Variants in DGKG observed in about 807,000 individuals in gnomAD.
The protein encoded by DGKG is diacylglycerol kinase gamma.
In DGKG, 78 loss-of-function variants were observed where a neutral mutation model predicts 105.3. The observed-to-expected ratio is 0.74, with a 90% CI of 0.62 to 0.89. The LOEUF is 0.89. Ranked by LOEUF, DGKG falls within the 40% of genes least tolerant of loss-of-function variation. DGKG has a pLI of 0.00. For missense variants in DGKG, 958 were observed against 1,020.1 expected, an observed-to-expected ratio of 0.94 and a Z score of 0.83; for synonymous variants, 346 against 367.1, an observed-to-expected ratio of 0.94 and a Z score of 0.66.
chr3:186,322,777 C>A (rs1265758449), intron 1 of DGKG, among the ~76,000 whole-genome samples: 1 of 152,160 alleles, frequency 6.6e-6, no homozygotes, highest in Non-Finnish European at 1.5e-5. Flanking sequence ...GTATATCCAA[C>A]CATCTACTGT....
chr3:186,301,136 G>T (rs1241997325), intron 3 of DGKG, among the ~76,000 whole-genome samples: 1 of 152,086 alleles, frequency 6.6e-6, no homozygotes, highest in Non-Finnish European at 1.5e-5. Flanking sequence ...CCTTTTCTAT[G>T]TCCATTGTCC....
chr3:186,279,258 T>C (rs978036950), intron 9 of DGKG: 4 of 152,280 alleles, frequency 2.6e-5, no homozygotes, highest in African/African-American at 9.6e-5. Context: ...CTAACTCTCA[T>C]GTGTGGGATA....
rs201233068 is a variant in DGKG, at chr3:186,206,752, G to GTT, written c.1917+5041_1917+5042dup. On this transcript the variant is annotated intron_variant, in intron 21 of 24. Transcript: ENST00000265022. ...GTGGGGACATGCTGGCTTCTTTTTT[G>GTT]TTTTTTTGTTTTTTTTGAGAGAGTT... 5.5e-3 allele frequency among the ~76,000 whole-genome samples: 832 copies of GTT among 150,772 alleles called. 9 individuals carry two copies. Among genetic ancestry groups the GTT allele is most frequent in the African/African-American group, 0.02 (795 of 40,426 alleles).
intron 10 of DGKG, among the ~76,000 whole-genome samples, chr3:186,273,898 G>A (rs952904070): frequency 4.6e-5 from 7 of 152,156 alleles, no homozygotes; most frequent in Non-Finnish European, 5.9e-5. Flanking sequence ...CGGGGCGGGC[G>A]GCAGGGCTCT....
intron 21 of DGKG, among the ~76,000 whole-genome samples, chr3:186,200,979 G>A (rs1208592019): frequency 6.6e-6 from 1 of 152,152 alleles, no homozygotes; most frequent in African/African-American, 2.4e-5. Flanking sequence ...TATTGCAGCT[G>A]GGGGTGGGGG....
At chr3:186,340,088 C>T (rs189374908) in intron 1 of DGKG, among the ~76,000 whole-genome samples, 11 of 152,252 alleles carry the variant, frequency 7.2e-5, no homozygotes, top group South Asian at 2.1e-4. Context: ...GATTCCCTGA[C>T]CCCTTGAGTG....
intron 1 of DGKG, among the ~76,000 whole-genome samples, chr3:186,342,840 C>A (rs1259386505): frequency 6.6e-6 from 1 of 151,786 alleles, no homozygotes; most frequent in Non-Finnish European, 1.5e-5. Flanking sequence ...GGGAAGCGTT[C>A]AAAAATCATT....
chr3:186,225,018 T>G (rs961387914), intron 20 of DGKG, among the ~76,000 whole-genome samples: 2 of 152,128 alleles, frequency 1.3e-5, no homozygotes, highest in Non-Finnish European at 2.9e-5. Flanking sequence ...CAGAGTGACT[T>G]CTCTTTATGT....
chr3:186,158,778 T>C (rs1211345333), intron 24 of DGKG: 2 of 932,506 alleles, frequency 2.1e-6, no homozygotes, highest in Non-Finnish European at 2.6e-6. Context: ...TTGATAGTTT[T>C]TTATATATTT....
chr3:186,272,516 T>C (rs1722365607), intron 10 of DGKG, among the ~76,000 whole-genome samples, 173 bp from the exon 11 acceptor site: 1 of 152,190 alleles, frequency 6.6e-6, no homozygotes, highest in Non-Finnish European at 1.5e-5. Context: ...CTAATTGTTC[T>C]TGGAGGACAG....
intron 4 of DGKG, 113 bp from the exon 5 acceptor site, chr3:186,297,596 G>A (rs1480717170): frequency 2.0e-5 from 15 of 752,428 alleles, no homozygotes; most frequent in East Asian, 9.9e-5. Context: ...TCTGTGTCTC[G>A]GGGTTATGTG....
intron 1 of DGKG, among the ~76,000 whole-genome samples, chr3:186,357,316 G>A (rs1445905596): frequency 6.6e-6 from 1 of 152,064 alleles, no homozygotes; most frequent in Admixed American, 6.6e-5. Flanking sequence ...GCTTTCAAAA[G>A]TCCCCTTTCT....
In DGKG at chr3:186,206,245, G is replaced by A. The variant is rs189133603; in HGVS notation, c.1917+5550C>T. On this transcript the variant is annotated intron_variant, in intron 21 of 24. Coordinates refer to ENST00000265022, the MANE Select transcript of DGKG (RefSeq NM_001346.3). ...CTAAAAATGCAAAAATTAGCTGGGC[G>A]TGGTGGTGCACGCCTGTAGTCTCAG... Among the ~76,000 whole-genome samples, 194 of 152,198 alleles carry A rather than the reference G, an allele frequency of 1.3e-3. 2 individuals are homozygous for A. The highest frequency in any genetic ancestry group is 3.9e-3 in the African/African-American group (162 of 41,538).
At chr3:186,360,963 GAGAGCGCGCCC>G (rs1727198748) in intron 1 of DGKG, among the ~76,000 whole-genome samples, 1 of 152,214 alleles carries the variant, frequency 6.6e-6, no homozygotes, top group Non-Finnish European at 1.5e-5. Flanking sequence ...CGCAGCGCGG[GAGAGCGCGCCC>G]ACGGGTTCAC....
rs151294553 is a variant in DGKG, at chr3:186,162,981, G to C, written c.2217-1318C>G. ...AGGTGAAAGTGTTGCCTTCTTGCTTGAGGCAAGGCTTTTCTGACCTTGGCA... is the reference window on the plus strand; with the variant it reads ...AGGTGAAAGTGTTGCCTTCTTGCTTCAGGCAAGGCTTTTCTGACCTTGGCA... On this transcript the variant is annotated intron_variant, in intron 23 of 24. Transcript: ENST00000265022. Among the ~76,000 whole-genome samples, 65 of 152,236 alleles carry C rather than the reference G, an allele frequency of 4.3e-4. 1 individual carries two copies. The East Asian group carries it at 0.012, about 29-fold the overall frequency.
At chr3:186,336,560 A>T (rs567342533) in intron 1 of DGKG, among the ~76,000 whole-genome samples, 1 of 152,340 alleles carries the variant, frequency 6.6e-6, no homozygotes, top group Non-Finnish European at 1.5e-5. Flanking sequence ...GACACAAACG[A>T]AATCTAAGTG....
At position 186,164,957 on chromosome 3, in the gene DGKG, G is replaced by T. The variant is rs1288496712; in HGVS notation, c.2157C>A (p.Ile719=). The change falls in exon 23 of 25, where the codon ATC becomes ATA. Residue 719 remains isoleucine, a synonymous_variant. Transcript: ENST00000265022. The part of the protein sequence containing the change: ...GLEGAMEMGQ[I]YTGLKSAGRR... ...TGCCTGCACTCTTCAGGCCGGTGTA[G>T]ATCTGCCCCATCTCCATGGCTCCTT... The T allele has an allele frequency of 1.2e-6, 2 of 1,613,956 alleles. No individual in the cohort carries two copies. Among genetic ancestry groups the T allele is most frequent in the African/African-American group, 2.7e-5 (2 of 75,014 alleles).
intron 21 of DGKG, among the ~76,000 whole-genome samples, chr3:186,205,409 G>T (rs756118705): frequency 2.0e-5 from 3 of 151,814 alleles, no homozygotes; most frequent in Non-Finnish European, 2.9e-5. Flanking sequence ...TATTTCTTCT[G>T]TTGAAAAATA....
chr3:186,247,693 T>C (rs1385267478), intron 19 of DGKG, among the ~76,000 whole-genome samples: 1 of 152,132 alleles, frequency 6.6e-6, no homozygotes, highest in Non-Finnish European at 1.5e-5. Flanking sequence ...AAACATTTTA[T>C]TGAGAGAAAG....
Sources: allele counts gnomAD v4.1 joint callset (sites outside exome capture counted in the v4.1 genomes callset), GRCh38; gene constraint gnomAD v4.1.1; transcripts MANE v1.5; gene names NCBI Gene and HGNC (gene_info 2026-07-23, HGNC 2026-07-21).